KCNQ1: variants seen among roughly 807,000 people sequenced by gnomAD.
The protein encoded by KCNQ1 is potassium voltage-gated channel subfamily KQT member 1.
KCNQ1 carries 49 observed loss-of-function variants against 72.4 expected under a neutral mutation model. The ratio of observed to expected loss-of-function variants is 0.68; its 90% CI spans 0.54 to 0.86. KCNQ1 has a LOEUF of 0.86. Among genes scored for constraint, KCNQ1 ranks in the 40% least tolerant of loss-of-function variants. The pLI is 0.00. For synonymous variants in KCNQ1, 450 were observed against 412.6 expected (o/e 1.09, Z -1.10); for missense variants, 790 against 945.1 (o/e 0.84, Z 2.15).
At chr11:2,736,332 C>T (rs1041764860) in intron 11 of KCNQ1, among the ~76,000 whole-genome samples, 3 of 152,154 alleles carry the variant, frequency 2.0e-5, no homozygotes, top group East Asian at 1.9e-4. Context: ...TGGGGCCCAC[C>T]GGGGGCTGTG....
intron 15 of KCNQ1, among the ~76,000 whole-genome samples, chr11:2,833,399 G>A (rs1847993763): frequency 6.6e-6 from 1 of 152,170 alleles, no homozygotes; most frequent in Non-Finnish European, 1.5e-5. Flanking sequence ...GGATCCCAGA[G>A]CCCCTTGGGA....
chr11:2,644,543 G>A (rs1849637069), intron 10 of KCNQ1: 1 of 398,014 alleles, frequency 2.5e-6, no homozygotes, highest in South Asian at 1.3e-4. Flanking sequence ...ATTTTTCAAG[G>A]TTTCATCAAT....
chr11:2,607,194 C>T (rs561645083), intron 10 of KCNQ1, among the ~76,000 whole-genome samples: 1 of 152,228 alleles, frequency 6.6e-6, no homozygotes, highest in East Asian at 1.9e-4. Flanking sequence ...TGAACCACTG[C>T]ACCCGGCCAA....
rs544398069 is a variant in KCNQ1 at position 2,449,487 on chromosome 11, C to G, written c.386+4003C>G. Reference sequence around the variant, plus strand: ...TGGGATGCTTTTGGGCCGGCCAGTGCGGGGTCAGGTGGTTGGAGCCAGGGA... The same window carrying G: ...TGGGATGCTTTTGGGCCGGCCAGTGGGGGGTCAGGTGGTTGGAGCCAGGGA... On this transcript the variant is annotated intron_variant, in intron 1 of 15. Transcript: ENST00000155840. Among the ~76,000 whole-genome samples the G allele has an allele frequency of 1.7e-3, 258 of 152,284 alleles. 1 individual carries two copies. Among genetic ancestry groups the G allele is most frequent in the Middle Eastern group, 6.8e-3 (2 of 294 alleles).
At chr11:2,646,515 A>G (rs1849668460) in intron 10 of KCNQ1, 1 of 398,374 alleles carries the variant, frequency 2.5e-6, no homozygotes. Flanking sequence ...CAGAAATGCT[A>G]CTGATTTTTT....
At chr11:2,455,235 C>T (rs1453227490) in intron 1 of KCNQ1, among the ~76,000 whole-genome samples, 1 of 152,036 alleles carries the variant, frequency 6.6e-6, no homozygotes, top group Non-Finnish European at 1.5e-5. Flanking sequence ...GTAGCTGGGA[C>T]AACAGGCGTC....
chr11:2,533,934 C>T (rs574109461), intron 2 of KCNQ1, among the ~76,000 whole-genome samples: 91 of 152,326 alleles, frequency 6.0e-4, no homozygotes, highest in Non-Finnish European at 1.1e-3. Flanking sequence ...TAAAAAACCC[C>T]GTGAGCTGCG....
In KCNQ1 at chr11:2,492,076, A is replaced by G. The variant is rs1280270113; in HGVS notation, c.387-35852A>G. The stretch of plus-strand genomic sequence containing the variant: ...CCAGAGCTGTCTTACAAGAAATGCT[A>G]AAGGGAATTCTTCAATCTGAAAGAA... On this transcript the variant is annotated intron_variant, in intron 1 of 15. Coordinates refer to ENST00000155840, the MANE Select transcript of KCNQ1 (RefSeq NM_000218.3). The surrounding 1 kb of genome is among the most constrained non-coding windows in gnomAD (Gnocchi z 4.1). Among the ~76,000 whole-genome samples, 1 of 152,234 alleles carries G rather than the reference A, an allele frequency of 6.6e-6. No homozygotes were observed.
At position 2,684,705 on chromosome 11, in the gene KCNQ1, C is replaced by T. The variant is rs539789755; in HGVS notation, c.1514+22624C>T. ...GTGGCCAACTGAGCACTTGCTCAGG[C>T]GGAGGGGCCTGGAGAGAACCCAGGG... On this transcript the variant is annotated intron_variant, in intron 11 of 15. Coordinates refer to ENST00000155840, the MANE Select transcript of KCNQ1 (RefSeq NM_000218.3). 2.9e-4 allele frequency: 116 copies of T among 398,556 alleles called. No homozygotes were observed. The highest frequency in any genetic ancestry group is 2.5e-3 in the Middle Eastern group (4 of 1,588). 24.7% of individuals were successfully genotyped at this position (398,556 alleles called of 1,614,324 possible).
rs943975791 is a variant in KCNQ1 at position 2,624,746 on chromosome 11, C to A, written c.1393+35892C>A. On this transcript the variant is annotated intron_variant, in intron 10 of 15. Transcript: ENST00000155840. The surrounding 1 kb of genome is among the most constrained non-coding windows in gnomAD (Gnocchi z 4.9). ...CATTAAACAATAATTCCCCAACCCCCCCACCACCGCCATCTCTTGGAAACC... is the reference window on the plus strand; with the variant it reads ...CATTAAACAATAATTCCCCAACCCCACCACCACCGCCATCTCTTGGAAACC... 2.5e-6 allele frequency: 1 copy of A among 398,472 alleles called. No homozygotes were observed. The highest frequency in any genetic ancestry group is 6.3e-4 in the Middle Eastern group (1 of 1,588). 24.7% of individuals were successfully genotyped at this position (398,472 alleles called of 1,614,324 possible). A position where few individuals can be genotyped will look rare whatever the true frequency, so the allele number is the denominator to read the frequency against.
At chr11:2,707,200 G>A (rs1291650152) in intron 11 of KCNQ1, among the ~76,000 whole-genome samples, 1 of 152,188 alleles carries the variant, frequency 6.6e-6, no homozygotes, top group African/African-American at 2.4e-5. Context: ...GCTGTAGGTG[G>A]ATGAGAAGTA....
chr11:2,734,360 G>T lies in KCNQ1; in HGVS notation c.1515-34484G>T, dbSNP rs1418004597. ...GGGGAGCACCAAGGGTAGAGGCAGG[G>T]GAGCAATGGATGGGTTGAATGAGGA... On this transcript the variant is annotated intron_variant, in intron 11 of 15. Transcript: ENST00000155840. The surrounding 1 kb of genome is among the most constrained non-coding windows in gnomAD (Gnocchi z 7.0). Among the ~76,000 whole-genome samples the T allele has an allele frequency of 6.6e-6, 1 of 152,230 alleles. No homozygotes were observed. The highest frequency in any genetic ancestry group is 2.4e-5 in the African/African-American group (1 of 41,454).
intron 15 of KCNQ1, among the ~76,000 whole-genome samples, chr11:2,832,222 A>G (rs1847966864): frequency 6.6e-6 from 1 of 152,204 alleles, no homozygotes; most frequent in Non-Finnish European, 1.5e-5. Flanking sequence ...GTTGCCCGGC[A>G]TCTTGGCAGA....
chr11:2,688,546 C>A, intron 11 of KCNQ1: 2 of 398,710 alleles, frequency 5.0e-6, no homozygotes, highest in South Asian at 2.6e-4. Context: ...GCCCTAGTGT[C>A]AAGGTTCCAC....
At chr11:2,810,604 C>G (rs1847467001) in intron 15 of KCNQ1, among the ~76,000 whole-genome samples, 1 of 152,244 alleles carries the variant, frequency 6.6e-6, no homozygotes, top group Non-Finnish European at 1.5e-5. Flanking sequence ...CTCCTAGGAT[C>G]TTTCTGGAGA....
At position 2,471,838 on chromosome 11, in the gene KCNQ1, CTA is replaced by C. The variant is rs1426952653; in HGVS notation, c.386+26356_386+26357del. ...TGCACGTGTATGGGTGCGTGTGCAC[CTA>C]TGTGTGTATAGGTGTGTGTGTTTAT... On this transcript the variant is annotated intron_variant, in intron 1 of 15. Coordinates refer to ENST00000155840, the MANE Select transcript of KCNQ1 (RefSeq NM_000218.3). The surrounding 1 kb of genome is among the most constrained non-coding windows in gnomAD (Gnocchi z 4.8). Among the ~76,000 whole-genome samples the C allele has an allele frequency of 1.1e-4, 17 of 148,408 alleles. No individual in the cohort carries two copies. Among genetic ancestry groups the C allele is most frequent in the South Asian group, 2.2e-4 (1 of 4,640 alleles).
Position 2,778,108 on chromosome 11 carries a change from T to C in KCNQ1, c.1794+71T>C. On this transcript the variant is annotated intron_variant, in intron 15 of 15. Coordinates refer to ENST00000155840, the MANE Select transcript of KCNQ1 (RefSeq NM_000218.3). The stretch of plus-strand genomic sequence containing the variant: ...GGCCAGCAGGCACCTCCCTGTGGTC[T>C]GCGTGTGAACGTGAAGCTCCTGCAG... The C allele has an allele frequency of 7.5e-6, 11 of 1,463,694 alleles. No individual in the cohort carries two copies. The South Asian group carries it at 1.2e-4, about 17-fold the overall frequency. 90.7% of individuals were successfully genotyped at this position (1,463,694 alleles called of 1,614,324 possible). A position where few individuals can be genotyped will look rare whatever the true frequency, so the allele number is the denominator to read the frequency against.
intron 15 of KCNQ1, among the ~76,000 whole-genome samples, chr11:2,838,827 G>A (rs557773119): frequency 8.7e-4 from 133 of 152,284 alleles, no homozygotes; most frequent in Non-Finnish European, 1.4e-3. Flanking sequence ...CCTGGCCTCC[G>A]GGCCTCTGCG....
In KCNQ1 at chr11:2,745,193, A is replaced by C. The variant is rs1846118267; in HGVS notation, c.1515-23651A>C. Reference sequence around the variant, plus strand: ...GCATTTCTTAAAAATTTCAACTGGAAGTTTGCTTGGGATTGCCTCGAATTT... The same window carrying C: ...GCATTTCTTAAAAATTTCAACTGGACGTTTGCTTGGGATTGCCTCGAATTT... On this transcript the variant is annotated intron_variant, in intron 11 of 15. Transcript: ENST00000155840. This position sits in a 1 kb window ranked among gnomAD's most constrained non-coding sequence, Gnocchi z 6.2. 6.6e-6 allele frequency among the ~76,000 whole-genome samples: 1 copy of C among 152,174 alleles called. No individual in the cohort carries two copies. The highest frequency in any genetic ancestry group is 1.5e-5 in the Non-Finnish European group (1 of 68,034).
Sources: gnomAD v4.1 joint callset for allele counts (sites outside exome capture counted in the v4.1 genomes callset) on GRCh38, gnomAD v4.1.1 for gene constraint, Gnocchi (gnomAD v3.1) non-coding constraint, MANE v1.5 for transcripts, NCBI Gene and HGNC (gene_info 2026-07-23, HGNC 2026-07-21) for gene names.